The following POLQ variants were observed in gnomAD, a reference collection of about 807,000 sequenced individuals.
POLQ encodes DNA polymerase theta.
Under a neutral mutation model 259.2 loss-of-function variants are expected in POLQ, and 233 were observed. That is an observed-to-expected ratio of 0.90 (90% CI 0.81 to 1.00). The LOEUF (loss-of-function observed/expected upper bound fraction) is 1.00, where lower values mean the gene tolerates loss of function less well. POLQ is among the 50% of genes least tolerant of loss of function. The pLI, the probability that POLQ is intolerant of heterozygous loss-of-function variation, is 0.00. For synonymous variants in POLQ, 1,025 were observed against 1,048.8 expected, an observed-to-expected ratio of 0.98 and a Z score of 0.44; for missense variants, 2,871 against 3,051.6, an observed-to-expected ratio of 0.94 and a Z score of 1.39.
At chr3:121,540,053 T>C (rs1339915840) in intron 3 of POLQ, among the ~76,000 whole-genome samples, 3 of 151,928 alleles carry the variant, frequency 2.0e-5, no homozygotes, top group African/African-American at 7.2e-5. Flanking sequence ...GGGACTTTAA[T>C]AATAATTTTT....
intron 25 of POLQ, among the ~76,000 whole-genome samples, chr3:121,454,594 T>C (rs1228808829): frequency 6.6e-6 from 1 of 152,040 alleles, no homozygotes; most frequent in South Asian, 2.1e-4. Flanking sequence ...TAGTCTCTGA[T>C]AAAACAGACT....
At chr3:121,537,031 T>TA (rs1459921872) in intron 5 of POLQ, 69 bp downstream of exon 5, 2 of 795,580 alleles carry the variant, frequency 2.5e-6, no homozygotes, top group Admixed American at 3.7e-5. Flanking sequence ...AACTCATACT[T>TA]ATGCATTTTT....
At position 121,488,816 on chromosome 3, in the gene POLQ, T is replaced by C; in HGVS notation, c.4115A>G (p.His1372Arg). 3 of 1,613,960 alleles carry C rather than the reference T, an allele frequency of 1.9e-6. No homozygotes were observed. Among genetic ancestry groups the C allele is most frequent in the Non-Finnish European group, 2.5e-6 (3 of 1,179,928 alleles). ...GTGCTGTTCAGCAGGAAAAGGAATG[T>C]GACACTCCTTCTGAAAAGAGTTCAT... Reference protein sequence around the residue: ...NSMNSFQKECHIPFPAEQHPL... With the variant: ...NSMNSFQKECRIPFPAEQHPL... Residue 1372 changes from histidine to arginine, a missense_variant, in exon 16 of 30, where the codon CAC becomes CGC. His to Arg is a conservative substitution (Grantham distance 29, BLOSUM62 0). Coordinates refer to ENST00000264233, the MANE Select transcript of POLQ (RefSeq NM_199420.4).
intron 19 of POLQ, 66 bp downstream of exon 19, chr3:121,481,506 G>T: frequency 7.1e-6 from 10 of 1,409,402 alleles, no homozygotes; most frequent in Non-Finnish European, 8.7e-6. Context: ...ACCCATTTTT[G>T]ATAAAGAGTG....
intron 5 of POLQ, among the ~76,000 whole-genome samples, chr3:121,535,482 G>A (rs941784320): frequency 3.9e-5 from 6 of 152,038 alleles, no homozygotes; most frequent in African/African-American, 7.2e-5. Context: ...TTGGGAGGCC[G>A]AGGTGGGTAG....
At position 121,489,589 on chromosome 3, in the gene POLQ, G is replaced by A; in HGVS notation, c.3342C>T (p.Phe1114=). The change falls in exon 16 of 30, where the codon TTC becomes TTT. Residue 1114 remains phenylalanine, a synonymous_variant. Coordinates refer to ENST00000264233, the MANE Select transcript of POLQ (RefSeq NM_199420.4). ...AACAATTTTGCTTTATTTGTAATGG[G>A]AATGATGTTTTATTATCTTTTTCCT... ...SGKEKDNKTS[F]PLQIKQNCSW... The A allele has an allele frequency of 6.2e-7, 1 of 1,612,868 alleles. No homozygotes were observed. Among genetic ancestry groups the A allele is most frequent in the Non-Finnish European group, 8.5e-7 (1 of 1,179,320 alleles).
At chr3:121,443,121 G>A (rs953794240) in intron 26 of POLQ, among the ~76,000 whole-genome samples, 3 of 152,158 alleles carry the variant, frequency 2.0e-5, no homozygotes, top group Admixed American at 2.0e-4. Flanking sequence ...CTCCCAGAGT[G>A]TTGGGATTAC....
At chr3:121,464,996 A>C (rs78617158) in intron 24 of POLQ, among the ~76,000 whole-genome samples, 2,125 of 152,292 alleles carry the variant, frequency 0.014, 52 homozygotes, top group African/African-American at 0.048. Context: ...ACTTCTAAAA[A>C]AAGATGAACC....
intron 7 of POLQ, 27 bp downstream of exon 7, chr3:121,529,618 A>C (rs777083877): frequency 6.2e-7 from 1 of 1,605,806 alleles, no homozygotes; most frequent in Non-Finnish European, 8.5e-7. Context: ...CTAAGCATGA[A>C]GGCTTTCCTT....
Position 121,460,203 on chromosome 3 carries a change from C to G in POLQ, c.6999G>C (p.Gln2333His). The G allele has an allele frequency of 1.9e-6, 3 of 1,613,806 alleles. No homozygotes were observed. The highest frequency in any genetic ancestry group is 2.5e-6 in the Non-Finnish European group (3 of 1,179,712). The change falls in exon 25 of 30, where the codon CAG (glutamine) becomes CAC (histidine). Residue 2333 changes from glutamine (Q) to histidine (H), a missense_variant. Gln to His is a conservative substitution (Grantham distance 24, BLOSUM62 0). Transcript: ENST00000264233. ...GGSILAADYS[Q>H]LELRILAHLS... ...AATGAGCCAAGATCCTCAGTTCAAG[C>G]TGAGAGTAGTCAGCAGCCAGTATTG...
At chr3:121,514,418 C>A (rs1341679300) in intron 9 of POLQ, among the ~76,000 whole-genome samples, 2 of 146,556 alleles carry the variant, frequency 1.4e-5, no homozygotes, top group Admixed American at 1.4e-4. Flanking sequence ...TATGCATAGA[C>A]CACAAAACTA....
chr3:121,522,375 A>G (rs1269228071), intron 7 of POLQ, among the ~76,000 whole-genome samples: 1 of 75,090 alleles, frequency 1.3e-5, no homozygotes, highest in African/African-American at 4.3e-5. Flanking sequence ...GCAGTGGCGC[A>G]ATCTCGGCTC....
chr3:121,527,081 G>C (rs970960402), intron 7 of POLQ, among the ~76,000 whole-genome samples: 2 of 151,278 alleles, frequency 1.3e-5, no homozygotes, highest in African/African-American at 4.9e-5. Context: ...TTTTTTTTGA[G>C]ATGGAGTCTC....
intron 14 of POLQ, chr3:121,494,230 T>C (rs2048095731): frequency 1.9e-6 from 3 of 1,562,484 alleles, no homozygotes; most frequent in South Asian, 2.2e-5. Flanking sequence ...ATTTTGGCAC[T>C]GGACAGGACA....
Position 121,493,808 on chromosome 3 carries a change from G to GT in POLQ, c.2279-88dup, listed in dbSNP as rs1021587931. 2.1e-5 allele frequency: 27 copies of GT among 1,289,468 alleles called. No homozygotes were observed. In the African/African-American group the frequency reaches 3.3e-4, roughly 16 times the overall value. 79.9% of individuals were successfully genotyped at this position (1,289,468 alleles called of 1,614,324 possible). A position where few individuals can be genotyped will look rare whatever the true frequency, so the allele number is the denominator to read the frequency against. On this transcript the variant is annotated intron_variant, in intron 14 of 29. Coordinates refer to ENST00000264233, the MANE Select transcript of POLQ (RefSeq NM_199420.4). ...TTTAGATGTATTTATATTTTCTTTT[G>GT]TTTTTTCCCTGCAAAATTGTAAGAT...
intron 26 of POLQ, among the ~76,000 whole-genome samples, chr3:121,445,781 T>G (rs1328422972): frequency 6.6e-6 from 1 of 151,914 alleles, no homozygotes; most frequent in Non-Finnish European, 1.5e-5. Context: ...GAAAATTGCT[T>G]GAACCCAGGA....
intron 2 of POLQ, among the ~76,000 whole-genome samples, chr3:121,543,198 T>C (rs1293830489): frequency 6.6e-6 from 1 of 152,166 alleles, no homozygotes; most frequent in African/African-American, 2.4e-5. Flanking sequence ...TGACCAGAGT[T>C]CTGAATGATA....
chr3:121,468,650 A>G (rs1021472996), intron 22 of POLQ, among the ~76,000 whole-genome samples: 1 of 152,198 alleles, frequency 6.6e-6, no homozygotes, highest in African/African-American at 2.4e-5. Flanking sequence ...TGGCTACACT[A>G]CTATGTTTTA....
intron 20 of POLQ, among the ~76,000 whole-genome samples, chr3:121,473,727 C>CATT (rs538023330): frequency 8.8e-6 from 1 of 114,266 alleles, no homozygotes; most frequent in African/African-American, 3.3e-5. Context: ...AACACAAGGC[C>CATT]TTTTTTTTTT....
Sources: allele counts gnomAD v4.1 joint callset (sites outside exome capture counted in the v4.1 genomes callset), GRCh38; gene constraint gnomAD v4.1.1; transcripts MANE v1.5; gene names NCBI Gene and HGNC (gene_info 2026-07-23, HGNC 2026-07-21).